Variants in MAMDC2 observed in about 807,000 individuals in gnomAD.
MAMDC2 encodes the protein MAM domain containing 2.
In MAMDC2, 57 loss-of-function variants were observed where a neutral mutation model predicts 89.8. That is an observed-to-expected ratio of 0.63 (90% CI 0.51 to 0.79). The LOEUF (loss-of-function observed/expected upper bound fraction) is 0.79, where lower values mean the gene tolerates loss of function less well. Ranked by LOEUF, MAMDC2 falls within the 30% of genes least tolerant of loss-of-function variation. MAMDC2 has a pLI of 0.00. For missense variants in MAMDC2, 800 were observed against 820.6 expected (o/e 0.97, Z 0.31); for synonymous variants, 313 against 293.4 (o/e 1.07, Z -0.68).
At chr9:70,112,970 A>T (rs372496352) in intron 4 of MAMDC2, 25 bp from the exon 5 acceptor site, 1 of 1,613,822 alleles carries the variant, frequency 6.2e-7, no homozygotes, top group East Asian at 2.2e-5. Flanking sequence ...TGTCTCCATG[A>T]AGTGTTTTTG....
intron 7 of MAMDC2, among the ~76,000 whole-genome samples, chr9:70,132,700 T>A (rs1202330303): frequency 6.6e-6 from 1 of 152,008 alleles, no homozygotes; most frequent in African/African-American, 2.4e-5. Flanking sequence ...TTGGTTTTTA[T>A]TTTAGTAGAG....
chr9:70,055,649 G>A (rs1359009674), intron 2 of MAMDC2, among the ~76,000 whole-genome samples: 2 of 152,292 alleles, frequency 1.3e-5, no homozygotes, highest in East Asian at 3.9e-4. Context: ...CCGGGCAGTG[G>A]TGAGCCTTTG....
intron 11 of MAMDC2, among the ~76,000 whole-genome samples, chr9:70,190,472 G>C (rs185595813): frequency 6.6e-6 from 1 of 152,180 alleles, no homozygotes; most frequent in African/African-American, 2.4e-5. Context: ...GCTCTAGCGG[G>C]AAGTTTACAA....
intron 5 of MAMDC2, among the ~76,000 whole-genome samples, chr9:70,117,384 AC>A (rs2030053934): frequency 6.6e-6 from 1 of 152,170 alleles, no homozygotes; most frequent in South Asian, 2.1e-4. Context: ...ACAGAAAAAC[AC>A]CACACATTCT....
chr9:70,084,329 G>T (rs986524055), intron 2 of MAMDC2, among the ~76,000 whole-genome samples: 1 of 152,046 alleles, frequency 6.6e-6, no homozygotes, highest in Non-Finnish European at 1.5e-5. Context: ...ACTTAAGATT[G>T]CCAGAAAAGA....
intron 9 of MAMDC2, among the ~76,000 whole-genome samples, chr9:70,152,265 T>C (rs973722943): frequency 1.3e-5 from 2 of 152,188 alleles, no homozygotes; most frequent in African/African-American, 2.4e-5. Flanking sequence ...GCAGAAACTA[T>C]AGGGATGAAG....
chr9:70,197,612 G>C (rs1248900326), intron 11 of MAMDC2, among the ~76,000 whole-genome samples: 2 of 152,146 alleles, frequency 1.3e-5, no homozygotes, highest in Non-Finnish European at 2.9e-5. Flanking sequence ...CAGCATTAAA[G>C]TCACCGGTAT....
Position 70,226,928 on chromosome 9 carries a change from C to T in MAMDC2, c.*896C>T, listed in dbSNP as rs1194466374. The T allele has an allele frequency of 6.6e-6, 1 of 151,988 alleles. No homozygotes were observed. The highest frequency in any genetic ancestry group is 1.5e-5 in the Non-Finnish European group (1 of 67,916). 9.4% of individuals were successfully genotyped at this position (151,988 alleles called of 1,614,324 possible). A position where few individuals can be genotyped will look rare whatever the true frequency, so the allele number is the denominator to read the frequency against. On this transcript the variant is annotated 3_prime_UTR_variant, in exon 14 of 14. Transcript: ENST00000377182. The stretch of plus-strand genomic sequence containing the variant: ...ATATGTTTGTGTATCCTAACAGCTG[C>T]TATGAAATTATAAAATTACCTAATA...
At chr9:70,153,329 T>C (rs2031640297) in intron 9 of MAMDC2, 1 of 152,180 alleles carries the variant, frequency 6.6e-6, no homozygotes, top group Non-Finnish European at 1.5e-5. Flanking sequence ...ACACTTTTCC[T>C]AAAGGCCAAA....
chr9:70,214,848 T>C (rs926504366), intron 11 of MAMDC2, among the ~76,000 whole-genome samples: 3 of 152,184 alleles, frequency 2.0e-5, no homozygotes, highest in African/African-American at 7.2e-5. Flanking sequence ...TCACAGGTTT[T>C]GGGTGTCAAC....
intron 2 of MAMDC2, among the ~76,000 whole-genome samples, chr9:70,094,692 C>T (rs1827984551): frequency 6.6e-6 from 1 of 151,966 alleles, no homozygotes; most frequent in Non-Finnish European, 1.5e-5. Flanking sequence ...AGAAGTTTAC[C>T]CATTTATTTA....
At chr9:70,148,208 A>G (rs1358839384) in intron 9 of MAMDC2, 2 of 150,124 alleles carry the variant, frequency 1.3e-5, no homozygotes, top group Non-Finnish European at 3.0e-5. Context: ...AGATTATTGC[A>G]TTCCCTGTTG....
intron 2 of MAMDC2, among the ~76,000 whole-genome samples, chr9:70,101,755 G>A (rs1230986812): frequency 6.6e-6 from 1 of 152,144 alleles, no homozygotes; most frequent in Non-Finnish European, 1.5e-5. Context: ...ATCACCCAAT[G>A]ATGATTTCTC....
intron 7 of MAMDC2, among the ~76,000 whole-genome samples, chr9:70,137,549 T>C (rs899327240): frequency 2.0e-5 from 3 of 152,202 alleles, no homozygotes; most frequent in Non-Finnish European, 4.4e-5. Context: ...TTGATTGTCA[T>C]GCCTCTTTCA....
intron 11 of MAMDC2, among the ~76,000 whole-genome samples, chr9:70,207,743 T>C (rs2033256987): frequency 6.6e-6 from 1 of 152,220 alleles, no homozygotes; most frequent in South Asian, 2.1e-4. Flanking sequence ...TAGGTTTTCT[T>C]CTAGGGTTTT....
intron 11 of MAMDC2, among the ~76,000 whole-genome samples, chr9:70,198,181 TACACAC>T (rs3071637): frequency 2.4e-4 from 35 of 145,060 alleles, no homozygotes; most frequent in East Asian, 1.0e-3. Flanking sequence ...TATATATATA[TACACAC>T]ACACACACAC....
At chr9:70,145,893 A>G (rs1214432981) in intron 9 of MAMDC2, among the ~76,000 whole-genome samples, 1 of 152,176 alleles carries the variant, frequency 6.6e-6, no homozygotes. Context: ...TAAGCAACTA[A>G]CTACCATGCA....
intron 11 of MAMDC2, among the ~76,000 whole-genome samples, chr9:70,199,566 A>G (rs2033053460): frequency 7.7e-6 from 1 of 129,450 alleles, no homozygotes; most frequent in African/African-American, 2.8e-5. Flanking sequence ...GTATATACCC[A>G]GTAATGGGAT....
chr9:70,149,583 AGAT>A, intron 9 of MAMDC2, among the ~76,000 whole-genome samples: 1 of 152,190 alleles, frequency 6.6e-6, no homozygotes, highest in East Asian at 1.9e-4. Context: ...AACTTTCCAC[AGAT>A]TATTAACAAG....
Sources: allele counts gnomAD v4.1 joint callset (sites outside exome capture counted in the v4.1 genomes callset), GRCh38; gene constraint gnomAD v4.1.1; transcripts MANE v1.5; gene names NCBI Gene and HGNC (gene_info 2026-07-23, HGNC 2026-07-21).